CREB5: variants seen among roughly 807,000 people sequenced by gnomAD.
CREB5 encodes the protein cyclic AMP-responsive element-binding protein 5.
Under a neutral mutation model 57.1 loss-of-function variants are expected in CREB5, and 19 were observed. The observed-to-expected ratio is 0.33, with a 90% confidence interval of 0.23 to 0.49. The LOEUF (loss-of-function observed/expected upper bound fraction) is 0.49. CREB5 is among the 20% of genes least tolerant of loss of function. CREB5 has a pLI of 0.99. For missense variants in CREB5, 579 were observed against 671.6 expected, an observed-to-expected ratio of 0.86 and a Z score of 1.52; for synonymous variants, 238 against 238.3, an observed-to-expected ratio of 1.00 and a Z score of 0.01.
intron 4 of CREB5, among the ~76,000 whole-genome samples, chr7:28,558,149 T>C (rs1477238601): frequency 6.6e-6 from 1 of 152,192 alleles, no homozygotes; most frequent in East Asian, 1.9e-4. Context: ...TCAGATGTCA[T>C]AAAATAAGAC....
At chr7:28,765,127 G>T (rs997834672) in intron 7 of CREB5, among the ~76,000 whole-genome samples, 3 of 152,060 alleles carry the variant, frequency 2.0e-5, no homozygotes, top group Non-Finnish European at 4.4e-5. Flanking sequence ...TATCTAAAAG[G>T]GTCCCAAAGC....
intron 1 of CREB5, among the ~76,000 whole-genome samples, chr7:28,456,191 A>C (rs1322428955): frequency 2.6e-5 from 4 of 152,194 alleles, no homozygotes; most frequent in Admixed American, 2.6e-4. Context: ...TAAGAGGAAA[A>C]AAATGTTCCC....
At chr7:28,787,298 C>A (rs570329921) in intron 7 of CREB5, among the ~76,000 whole-genome samples, 10 of 152,318 alleles carry the variant, frequency 6.6e-5, no homozygotes, top group African/African-American at 2.4e-4. Flanking sequence ...GCTGTTAGCA[C>A]TTTCATACTT....
chr7:28,308,788 G>A (rs1037019933), intron 1 of CREB5, among the ~76,000 whole-genome samples: 5 of 152,102 alleles, frequency 3.3e-5, no homozygotes, highest in Non-Finnish European at 5.9e-5. Flanking sequence ...TTCCGGTTTC[G>A]GCAATGAGTT....
At chr7:28,472,512 CTA>C (rs995597339) in intron 1 of CREB5, among the ~76,000 whole-genome samples, 4 of 152,150 alleles carry the variant, frequency 2.6e-5, no homozygotes, top group African/African-American at 9.7e-5. Context: ...CCGGTGGTGG[CTA>C]TGTCACAGGG....
At chr7:28,528,101 A>G (rs1330391177) in intron 4 of CREB5, among the ~76,000 whole-genome samples, 3 of 152,180 alleles carry the variant, frequency 2.0e-5, no homozygotes, top group Non-Finnish European at 2.9e-5. Flanking sequence ...TGTTTTGTTT[A>G]GTTCAGGCCA....
intron 5 of CREB5, 35 bp downstream of exon 5, chr7:28,570,572 G>A: frequency 3.1e-6 from 5 of 1,598,720 alleles, no homozygotes; most frequent in Non-Finnish European, 4.3e-6. Context: ...CTGGGTCCTG[G>A]CTGGAACTCA....
At chr7:28,650,598 C>T (rs184494047) in intron 5 of CREB5, among the ~76,000 whole-genome samples, 11 of 152,150 alleles carry the variant, frequency 7.2e-5, no homozygotes, top group South Asian at 2.1e-4. Flanking sequence ...GCTTCCCCCC[C>T]CAACCTTCCA....
At chr7:28,592,560 C>A (rs1230557907) in intron 5 of CREB5, among the ~76,000 whole-genome samples, 1 of 152,146 alleles carries the variant, frequency 6.6e-6, no homozygotes, top group Non-Finnish European at 1.5e-5. Flanking sequence ...GGCTCTACAT[C>A]ACCCCCACGC....
At chr7:28,638,286 CACACACACGA>C (rs1329915428) in intron 5 of CREB5, among the ~76,000 whole-genome samples, 2 of 151,226 alleles carry the variant, frequency 1.3e-5, no homozygotes, top group Admixed American at 6.6e-5. Context: ...CACACACACA[CACACACACGA>C]ACACACACAC....
At chr7:28,649,023 G>A (rs1799022022) in intron 5 of CREB5, among the ~76,000 whole-genome samples, 1 of 152,196 alleles carries the variant, frequency 6.6e-6, no homozygotes, top group South Asian at 2.1e-4. Flanking sequence ...CCACCAGAGA[G>A]GAAGGGACTG....
chr7:28,722,507 A>G (rs911164721), intron 6 of CREB5, among the ~76,000 whole-genome samples: 2 of 152,238 alleles, frequency 1.3e-5, no homozygotes, highest in Non-Finnish European at 2.9e-5. Context: ...CAGTGCATGA[A>G]TGTACTTAAT....
intron 7 of CREB5, among the ~76,000 whole-genome samples, chr7:28,785,898 A>G (rs537622154): frequency 1.3e-5 from 2 of 152,354 alleles, no homozygotes; most frequent in African/African-American, 4.8e-5. Flanking sequence ...AATTCCAATA[A>G]GGATCCTGTT....
At chr7:28,401,785 C>A in intron 1 of CREB5, among the ~76,000 whole-genome samples, 1 of 152,170 alleles carries the variant, frequency 6.6e-6, no homozygotes, top group Non-Finnish European at 1.5e-5. Flanking sequence ...GTGTATAGTG[C>A]CACATTTTGT....
intron 5 of CREB5, among the ~76,000 whole-genome samples, chr7:28,715,602 G>A (rs144301345): frequency 1.3e-4 from 20 of 152,220 alleles, no homozygotes; most frequent in African/African-American, 4.1e-4. Flanking sequence ...AGCTACATGC[G>A]TCAGTCTAGT....
At chr7:28,602,874 A>G (rs147213716) in intron 5 of CREB5, among the ~76,000 whole-genome samples, 47 of 152,294 alleles carry the variant, frequency 3.1e-4, no homozygotes, top group Middle Eastern at 3.4e-3. Context: ...AAATCGGTGA[A>G]ATCTGAATAA....
chr7:28,338,488 G>C (rs1479899014), intron 1 of CREB5, among the ~76,000 whole-genome samples: 2 of 152,166 alleles, frequency 1.3e-5, no homozygotes, highest in Non-Finnish European at 2.9e-5. Context: ...TCTGCTGCCA[G>C]ATGTATTGAA....
chr7:28,359,224 TAA>T (rs70977038), intron 1 of CREB5, among the ~76,000 whole-genome samples: 2 of 136,598 alleles, frequency 1.5e-5, no homozygotes, highest in African/African-American at 5.4e-5. Flanking sequence ...ACAAAACAAA[TAA>T]AAAAAAAAAA....
intron 7 of CREB5, 146 bp from the exon 8 acceptor site, chr7:28,804,053 G>A: frequency 2.7e-6 from 2 of 727,396 alleles, no homozygotes; most frequent in Non-Finnish European, 4.5e-6. Flanking sequence ...ATCTTGTACT[G>A]GTAGCAAGAT....
Sources: gnomAD v4.1 joint callset for allele counts (sites outside exome capture counted in the v4.1 genomes callset) on GRCh38, gnomAD v4.1.1 for gene constraint, MANE v1.5 for transcripts, NCBI Gene and HGNC (gene_info 2026-07-23, HGNC 2026-07-21) for gene names.